Variants in RIMS2 observed in about 807,000 individuals in gnomAD.
The protein encoded by RIMS2 is regulating synaptic membrane exocytosis protein 2.
A neutral mutation model predicts 174.4 loss-of-function variants in RIMS2; 59 were observed. That is an observed-to-expected ratio of 0.34 (90% confidence interval 0.27 to 0.42). The LOEUF (loss-of-function observed/expected upper bound fraction) is 0.42. Ranked by LOEUF, RIMS2 falls within the 10% of genes least tolerant of loss-of-function variation. The pLI, the probability that RIMS2 is intolerant of heterozygous loss-of-function variation, is 1.00. For synonymous variants in RIMS2, 606 were observed against 572.5 expected (o/e 1.06, Z -0.84); for missense variants, 1,620 against 1,666.3 (o/e 0.97, Z 0.48).
chr8:104,224,075 G>GC (rs1191715807), intron 19 of RIMS2, among the ~76,000 whole-genome samples: 3 of 152,238 alleles, frequency 2.0e-5, no homozygotes, highest in Admixed American at 6.5e-5. Flanking sequence ...CTGGTGGGAG[G>GC]CAAGGCGGCG....
At chr8:103,768,407 G>GT in intron 3 of RIMS2, 1 of 749,314 alleles carries the variant, frequency 1.3e-6, no homozygotes, top group Admixed American at 1.7e-5. Flanking sequence ...TGCTCTGGTT[G>GT]AAGAATGGAA....
chr8:103,981,229 CAGAG>C (rs2093879003), intron 16 of RIMS2, among the ~76,000 whole-genome samples: 2 of 152,130 alleles, frequency 1.3e-5, no homozygotes, highest in East Asian at 3.9e-4. Flanking sequence ...GGCAGCTCAG[CAGAG>C]AGAGAGAAAG....
intron 4 of RIMS2, among the ~76,000 whole-genome samples, chr8:103,901,589 T>C (rs2073129861): frequency 6.6e-6 from 1 of 152,178 alleles, no homozygotes; most frequent in Admixed American, 6.5e-5. Context: ...TGTGAATTTC[T>C]TAAGCTCCTA....
intron 1 of RIMS2, among the ~76,000 whole-genome samples, chr8:103,513,321 T>C (rs908574594): frequency 3.9e-5 from 6 of 152,214 alleles, no homozygotes; most frequent in Non-Finnish European, 7.3e-5. Context: ...TTATAAGCTG[T>C]GCTATCTTGA....
chr8:103,566,244 A>C (rs1203750895), intron 1 of RIMS2, among the ~76,000 whole-genome samples: 1 of 152,068 alleles, frequency 6.6e-6, no homozygotes. Flanking sequence ...CCCCTTCCCC[A>C]TTCCTGTAGC....
chr8:104,110,800 C>G (rs1161445303), intron 19 of RIMS2, among the ~76,000 whole-genome samples: 1 of 152,154 alleles, frequency 6.6e-6, no homozygotes, highest in Admixed American at 6.5e-5. Flanking sequence ...TACAGTCCTT[C>G]TCATCAACAT....
intron 19 of RIMS2, among the ~76,000 whole-genome samples, chr8:104,193,273 G>T (rs1471072766): frequency 6.6e-6 from 1 of 151,986 alleles, no homozygotes; most frequent in Non-Finnish European, 1.5e-5. Context: ...GTGGTTTTCA[G>T]ATCTTCTTCC....
chr8:103,995,657 A>G (rs2095045295), intron 17 of RIMS2, among the ~76,000 whole-genome samples: 2 of 152,076 alleles, frequency 1.3e-5, no homozygotes, highest in African/African-American at 4.8e-5. Context: ...TAGGGAATTT[A>G]TACTTGTTTT....
intron 1 of RIMS2, among the ~76,000 whole-genome samples, chr8:103,541,371 A>G (rs1304356244): frequency 6.6e-6 from 1 of 152,220 alleles, no homozygotes; most frequent in East Asian, 1.9e-4. Flanking sequence ...GTTAACCAAT[A>G]CTTTACCCAC....
At chr8:104,148,729 C>G (rs761854319) in intron 19 of RIMS2, 1 of 1,598,382 alleles carries the variant, frequency 6.3e-7, no homozygotes, top group South Asian at 1.1e-5. Flanking sequence ...CAGTCTGACA[C>G]TGCAGTGGGC....
intron 1 of RIMS2, among the ~76,000 whole-genome samples, chr8:103,543,635 AC>A (rs1563712528): frequency 6.6e-6 from 1 of 152,224 alleles, no homozygotes; most frequent in Non-Finnish European, 1.5e-5. Context: ...ACAGCATGGT[AC>A]TATAAACAGA....
chr8:103,503,046 A>G (rs1821213864), intron 1 of RIMS2, among the ~76,000 whole-genome samples: 1 of 151,988 alleles, frequency 6.6e-6, no homozygotes, highest in Non-Finnish European at 1.5e-5. Flanking sequence ...TCATATTTCC[A>G]TAGTTTAGAT....
intron 1 of RIMS2, among the ~76,000 whole-genome samples, chr8:103,596,553 TA>T (rs1216096918): frequency 6.6e-6 from 1 of 152,108 alleles, no homozygotes; most frequent in Non-Finnish European, 1.5e-5. Flanking sequence ...ATCCTCCTTC[TA>T]GCTATTTGAA....
chr8:103,763,274 CA>C (rs1427300417), intron 2 of RIMS2, among the ~76,000 whole-genome samples: 1 of 151,870 alleles, frequency 6.6e-6, no homozygotes, highest in Non-Finnish European at 1.5e-5. Flanking sequence ...CCCATCTCTA[CA>C]AAAATACAAA....
chr8:103,954,243 C>T (rs2086380312), intron 14 of RIMS2, among the ~76,000 whole-genome samples: 1 of 152,038 alleles, frequency 6.6e-6, no homozygotes, highest in Non-Finnish European at 1.5e-5. Flanking sequence ...CCAACTCTGA[C>T]CAAGCGGCCT....
At chr8:104,058,915 T>C (rs549467988) in intron 19 of RIMS2, among the ~76,000 whole-genome samples, 2 of 152,216 alleles carry the variant, frequency 1.3e-5, no homozygotes, top group Non-Finnish European at 2.9e-5. Context: ...TCTGTTCTGT[T>C]GCATTGGTCT....
intron 3 of RIMS2, among the ~76,000 whole-genome samples, chr8:103,838,909 CA>C (rs1446677764): frequency 1.3e-5 from 2 of 152,018 alleles, no homozygotes; most frequent in Non-Finnish European, 2.9e-5. Context: ...ACTAAAAATA[CA>C]AAAAATTAGC....
intron 3 of RIMS2, among the ~76,000 whole-genome samples, chr8:103,791,400 T>G (rs1307743186): frequency 1.3e-5 from 2 of 152,118 alleles, no homozygotes; most frequent in African/African-American, 4.8e-5. Context: ...AGGCCTGCCT[T>G]ACAAGAGCTC....
At chr8:103,650,054 G>A (rs1294949487) in intron 1 of RIMS2, among the ~76,000 whole-genome samples, 1 of 151,984 alleles carries the variant, frequency 6.6e-6, no homozygotes, top group African/African-American at 2.4e-5. Flanking sequence ...TAGCTTTATG[G>A]GCTTACCTAC....
Sources: allele counts gnomAD v4.1 joint callset (sites outside exome capture counted in the v4.1 genomes callset), GRCh38; gene constraint gnomAD v4.1.1; transcripts MANE v1.5; gene names NCBI Gene and HGNC (gene_info 2026-07-23, HGNC 2026-07-21).